Variants in GRID1 observed in about 807,000 individuals in gnomAD.
The protein encoded by GRID1 is glutamate receptor ionotropic, delta-1.
In GRID1, 28 loss-of-function variants were observed where a neutral mutation model predicts 98.0. That is an observed-to-expected ratio of 0.29 (90% CI 0.21 to 0.39). The LOEUF is 0.39. Among genes scored for constraint, GRID1 ranks in the 10% least tolerant of loss-of-function variants. The pLI, the probability that GRID1 is intolerant of heterozygous loss-of-function variation, is 1.00. For missense variants in GRID1, 1,111 were observed against 1,340.5 expected, an observed-to-expected ratio of 0.83 and a Z score of 2.67; for synonymous variants, 553 against 538.5, an observed-to-expected ratio of 1.03 and a Z score of -0.37.
chr10:86,330,164 G>A (rs576320860), intron 2 of GRID1, among the ~76,000 whole-genome samples: 20 of 152,068 alleles, frequency 1.3e-4, no homozygotes, highest in South Asian at 4.2e-4. Flanking sequence ...CCCCAGCCCC[G>A]GGGAGGGCCT....
At chr10:85,991,564 G>A (rs1273569395) in intron 4 of GRID1, among the ~76,000 whole-genome samples, 1 of 152,058 alleles carries the variant, frequency 6.6e-6, no homozygotes, top group Non-Finnish European at 1.5e-5. Context: ...AGAAAGAGGA[G>A]CCTGCGAAGG....
intron 2 of GRID1, among the ~76,000 whole-genome samples, chr10:86,242,922 G>C (rs1311685436): frequency 6.6e-6 from 1 of 152,172 alleles, no homozygotes; most frequent in African/African-American, 2.4e-5. Flanking sequence ...TTGTCCATCA[G>C]CTCCTCACCC....
intron 4 of GRID1, among the ~76,000 whole-genome samples, chr10:86,083,133 G>A (rs907375118): frequency 1.3e-5 from 2 of 152,180 alleles, no homozygotes; most frequent in Non-Finnish European, 1.5e-5. Context: ...GAAATGTCAC[G>A]TGGCCTGGCT....
chr10:85,652,599 G>A (rs572147438), intron 12 of GRID1, among the ~76,000 whole-genome samples: 1 of 152,284 alleles, frequency 6.6e-6, no homozygotes, highest in South Asian at 2.1e-4. Flanking sequence ...CATTCCAGCA[G>A]TCTTGATTTT....
At chr10:86,046,494 C>T (rs1843426452) in intron 4 of GRID1, among the ~76,000 whole-genome samples, 1 of 152,194 alleles carries the variant, frequency 6.6e-6, no homozygotes, top group South Asian at 2.1e-4. Context: ...TCACCTAGAT[C>T]TTAGTGGCCT....
At chr10:86,241,158 C>T (rs1398998497) in intron 2 of GRID1, among the ~76,000 whole-genome samples, 3 of 152,258 alleles carry the variant, frequency 2.0e-5, no homozygotes, top group Non-Finnish European at 4.4e-5. Flanking sequence ...CCAGCTCCCA[C>T]TTGTTTACCA....
chr10:86,339,811 G>A (rs758581375), intron 2 of GRID1, among the ~76,000 whole-genome samples: 4 of 152,190 alleles, frequency 2.6e-5, no homozygotes, highest in African/African-American at 9.7e-5. Context: ...TGCAAGGCAC[G>A]GCGCTAGAGA....
Position 85,729,619 on chromosome 10 carries a change from G to A in GRID1, c.1234-5C>T. On this transcript the variant is annotated splice_polypyrimidine_tract_variant and splice_region_variant and intron_variant, in intron 8 of 15. Transcript: ENST00000327946. ...CTCTGAGTCCCATGTCGCCAACTGT[G>A]AAGGAAAAATAAAGATTGTGAGGGA... The A allele has an allele frequency of 6.3e-7, 1 of 1,596,822 alleles. No homozygotes were observed. The highest frequency in any genetic ancestry group is 8.6e-7 in the Non-Finnish European group (1 of 1,164,740).
At chr10:86,309,685 G>A (rs991080601) in intron 2 of GRID1, among the ~76,000 whole-genome samples, 2 of 152,156 alleles carry the variant, frequency 1.3e-5, no homozygotes, top group African/African-American at 4.8e-5. Context: ...TAGCAGTGTG[G>A]CCTCTGACCT....
chr10:86,030,873 C>T (rs1352567094), intron 4 of GRID1, among the ~76,000 whole-genome samples: 2 of 152,178 alleles, frequency 1.3e-5, no homozygotes, highest in African/African-American at 4.8e-5. Flanking sequence ...CCAGCAGGAA[C>T]TAAGGACTAG....
chr10:85,683,401 AAAG>A (rs1367072397), intron 12 of GRID1, among the ~76,000 whole-genome samples: 1 of 152,242 alleles, frequency 6.6e-6, no homozygotes, highest in East Asian at 1.9e-4. Context: ...GTGCTCTGAA[AAAG>A]AAAATAGAAA....
chr10:86,144,189 G>C (rs1357113205), intron 3 of GRID1, among the ~76,000 whole-genome samples: 1 of 152,148 alleles, frequency 6.6e-6, no homozygotes, highest in Non-Finnish European at 1.5e-5. Flanking sequence ...ATTTCCAACA[G>C]TGAGAAGAGC....
At chr10:85,804,823 CA>C (rs999033388) in intron 8 of GRID1, among the ~76,000 whole-genome samples, 4 of 151,708 alleles carry the variant, frequency 2.6e-5, no homozygotes, top group African/African-American at 9.6e-5. Flanking sequence ...AGCCCATGTT[CA>C]AAAAAACCTT....
chr10:85,653,586 T>C (rs1016612113), intron 12 of GRID1, among the ~76,000 whole-genome samples: 5 of 152,214 alleles, frequency 3.3e-5, no homozygotes, highest in Non-Finnish European at 7.3e-5. Flanking sequence ...GTTAGAATAC[T>C]GTCTCCGCCA....
At position 85,930,024 on chromosome 10, in the gene GRID1, T is replaced by C. The variant is rs566500796; in HGVS notation, c.727-13785A>G. The stretch of plus-strand genomic sequence containing the variant: ...TGTATTGACTCCATTATGGTTATGA[T>C]ACTATTCACTACTAAGCCAAATAGT... On this transcript the variant is annotated intron_variant, in intron 4 of 15. Coordinates refer to ENST00000327946, the MANE Select transcript of GRID1 (RefSeq NM_017551.3). Among the ~76,000 whole-genome samples, 36 of 152,360 alleles carry C rather than the reference T, an allele frequency of 2.4e-4. No homozygotes were observed. In the South Asian group the frequency reaches 6.6e-3, roughly 28 times the overall value.
chr10:85,962,500 G>A (rs1842282470), intron 4 of GRID1, among the ~76,000 whole-genome samples: 1 of 152,158 alleles, frequency 6.6e-6, no homozygotes, highest in Non-Finnish European at 1.5e-5. Flanking sequence ...TACATTGCCT[G>A]GAGCCATGTC....
At chr10:85,794,996 T>C (rs1454110400) in intron 8 of GRID1, among the ~76,000 whole-genome samples, 1 of 152,100 alleles carries the variant, frequency 6.6e-6, no homozygotes, top group Non-Finnish European at 1.5e-5. Flanking sequence ...TAACTAAATA[T>C]TTATAAAGAC....
chr10:85,723,287 C>T, intron 11 of GRID1, 146 bp from the exon 12 acceptor site: 1 of 710,912 alleles, frequency 1.4e-6, no homozygotes. Flanking sequence ...TGGGTCTGGG[C>T]ATCTGTGCCA....
At chr10:85,638,538 C>A (rs1843076842) in intron 13 of GRID1, among the ~76,000 whole-genome samples, 1 of 152,048 alleles carries the variant, frequency 6.6e-6, no homozygotes, top group South Asian at 2.1e-4. Flanking sequence ...CAGAAATAGA[C>A]CAACACATAC....
Sources: allele counts gnomAD v4.1 joint callset (sites outside exome capture counted in the v4.1 genomes callset), GRCh38; gene constraint gnomAD v4.1.1; transcripts MANE v1.5; gene names NCBI Gene and HGNC (gene_info 2026-07-23, HGNC 2026-07-21).